The following GRM7 variants were observed in gnomAD, a reference collection of about 807,000 sequenced individuals.
GRM7 encodes glutamate metabotropic receptor 7, also known as metabotropic glutamate receptor 7.
GRM7 carries 35 observed loss-of-function variants against 84.5 expected under a neutral mutation model. That is an observed-to-expected ratio of 0.41 (90% confidence interval 0.32 to 0.55). GRM7 has a LOEUF of 0.55. GRM7 is among the 20% of genes least tolerant of loss of function. The pLI is 0.19. For missense variants in GRM7, 1,003 were observed against 1,194.6 expected (o/e 0.84, Z 2.36); for synonymous variants, 487 against 455.1 (o/e 1.07, Z -0.89).
chr3:7,334,490 G>GA (rs1559244651), intron 4 of GRM7, among the ~76,000 whole-genome samples: 2 of 148,246 alleles, frequency 1.3e-5, no homozygotes, highest in African/African-American at 5.2e-5. Context: ...AAAAAAAATA[G>GA]AAAAACAAAA....
intron 4 of GRM7, among the ~76,000 whole-genome samples, chr3:7,343,087 T>A (rs1355972342): frequency 6.6e-6 from 1 of 152,166 alleles, no homozygotes; most frequent in African/African-American, 2.4e-5. Flanking sequence ...GCTATGTACA[T>A]GGCAGCTACC....
intron 1 of GRM7, among the ~76,000 whole-genome samples, chr3:7,100,131 G>A (rs1699061084): frequency 6.6e-6 from 1 of 151,316 alleles, no homozygotes; most frequent in Admixed American, 6.6e-5. Context: ...AGATTTGAAA[G>A]TGCAATAGAA....
intron 1 of GRM7, among the ~76,000 whole-genome samples, chr3:7,031,439 T>G (rs1450230356): frequency 6.7e-6 from 1 of 150,186 alleles, no homozygotes; most frequent in African/African-American, 2.5e-5. Flanking sequence ...TATTTTGAGA[T>G]GGAGTCTTGC....
chr3:6,910,981 A>G (rs1696748381), intron 1 of GRM7, among the ~76,000 whole-genome samples: 1 of 152,152 alleles, frequency 6.6e-6, no homozygotes, highest in East Asian at 1.9e-4. Flanking sequence ...GCACTGTAAT[A>G]GCAACTGCAA....
At chr3:7,255,396 TC>T (rs896418523) in intron 2 of GRM7, among the ~76,000 whole-genome samples, 6 of 152,162 alleles carry the variant, frequency 3.9e-5, no homozygotes, top group Non-Finnish European at 8.8e-5. Flanking sequence ...GTAAATGGCC[TC>T]CCCGCTTCCT....
intron 5 of GRM7, among the ~76,000 whole-genome samples, chr3:7,447,136 A>G (rs1412977789): frequency 6.6e-6 from 1 of 152,188 alleles, no homozygotes; most frequent in Non-Finnish European, 1.5e-5. Context: ...AATGCTTCAG[A>G]GTTCTCATTT....
rs115904970 is a variant in GRM7, at chr3:7,155,242, G to A, written c.736+8574G>A. On this transcript the variant is annotated intron_variant, in intron 2 of 9. Coordinates refer to ENST00000357716, the MANE Select transcript of GRM7 (RefSeq NM_000844.4). Reference sequence around the variant, plus strand: ...TGGGAAAATAGGACACCTTGATTTCGAATCTCTCCAAGGCCATAAACAATA... The same window carrying A: ...TGGGAAAATAGGACACCTTGATTTCAAATCTCTCCAAGGCCATAAACAATA... 4.2e-3 allele frequency among the ~76,000 whole-genome samples: 637 copies of A among 152,104 alleles called. 4 individuals are homozygous for A. The highest frequency in any genetic ancestry group is 0.015 in the African/African-American group (613 of 41,524).
chr3:7,246,918 C>T (rs1295825779), intron 2 of GRM7, among the ~76,000 whole-genome samples: 1 of 152,030 alleles, frequency 6.6e-6, no homozygotes, highest in Admixed American at 6.6e-5. Context: ...CAAAACTTAA[C>T]ATAAATCTAT....
chr3:7,640,574 G>T (rs978949075), intron 8 of GRM7, among the ~76,000 whole-genome samples: 3 of 152,200 alleles, frequency 2.0e-5, no homozygotes, highest in Non-Finnish European at 4.4e-5. Flanking sequence ...AATGATGCCA[G>T]TCAAGCATAT....
intron 7 of GRM7, among the ~76,000 whole-genome samples, chr3:7,466,968 G>A (rs1698484407): frequency 6.6e-6 from 1 of 152,114 alleles, no homozygotes; most frequent in African/African-American, 2.4e-5. Flanking sequence ...GCACACAGCA[G>A]GCATTTGTTA....
intron 1 of GRM7, among the ~76,000 whole-genome samples, chr3:7,052,509 C>T (rs534841712): frequency 1.3e-5 from 2 of 151,566 alleles, no homozygotes; most frequent in Admixed American, 6.6e-5. Flanking sequence ...TTCCATTGTC[C>T]TCCAATTTTA....
chr3:7,120,829 C>A (rs1187323492), intron 1 of GRM7, among the ~76,000 whole-genome samples: 1 of 152,086 alleles, frequency 6.6e-6, no homozygotes, highest in East Asian at 1.9e-4. Context: ...TTATAATTTT[C>A]TGGAGAATAG....
chr3:7,339,582 T>C (rs775596322), intron 4 of GRM7, among the ~76,000 whole-genome samples: 3 of 152,140 alleles, frequency 2.0e-5, no homozygotes, highest in African/African-American at 4.8e-5. Context: ...CCATTAAAGT[T>C]GGCTTAGAGC....
intron 9 of GRM7, among the ~76,000 whole-genome samples, chr3:7,683,972 A>G (rs1700479072): frequency 6.6e-6 from 1 of 152,204 alleles, no homozygotes; most frequent in African/African-American, 2.4e-5. Flanking sequence ...GATGAGACAA[A>G]CATACAAATA....
intron 1 of GRM7, among the ~76,000 whole-genome samples, chr3:7,117,507 A>G (rs1447431349): frequency 6.6e-6 from 1 of 152,168 alleles, no homozygotes; most frequent in Non-Finnish European, 1.5e-5. Flanking sequence ...GGAAGGGGAC[A>G]TTGGATTCCT....
chr3:7,677,642 C>G (rs1252893006), intron 8 of GRM7, among the ~76,000 whole-genome samples: 3 of 152,136 alleles, frequency 2.0e-5, no homozygotes, highest in African/African-American at 7.2e-5. Context: ...AAATGAAAAT[C>G]AAAGTCTTGA....
chr3:7,004,961 G>A (rs1695131549), intron 1 of GRM7, among the ~76,000 whole-genome samples: 1 of 152,116 alleles, frequency 6.6e-6, no homozygotes, highest in South Asian at 2.1e-4. Context: ...TGCATGTCAG[G>A]AATCCTTGAG....
intron 9 of GRM7, among the ~76,000 whole-genome samples, chr3:7,684,167 T>A (rs1700489364): frequency 6.6e-6 from 1 of 152,220 alleles, no homozygotes; most frequent in African/African-American, 2.4e-5. Context: ...CATTATAATA[T>A]TCTGTTTAAT....
chr3:7,729,983 T>C (rs1702256601), intron 9 of GRM7, among the ~76,000 whole-genome samples: 1 of 149,304 alleles, frequency 6.7e-6, no homozygotes. Context: ...CAAGCAATTC[T>C]CCTGCCTCAG....
Sources: allele counts gnomAD v4.1 joint callset (sites outside exome capture counted in the v4.1 genomes callset), GRCh38; gene constraint gnomAD v4.1.1; transcripts MANE v1.5; gene names NCBI Gene and HGNC (gene_info 2026-07-23, HGNC 2026-07-21).